The following CPVL variants were observed in gnomAD, a reference collection of about 807,000 sequenced individuals.
CPVL encodes the protein carboxypeptidase vitellogenic like, also known as probable serine carboxypeptidase CPVL.
In CPVL, 51 loss-of-function variants were observed where a neutral mutation model predicts 63.7. The observed-to-expected ratio is 0.80, with a 90% confidence interval of 0.64 to 1.01. The LOEUF is 1.01. CPVL is among the 50% of genes least tolerant of loss of function. The pLI is 0.00. For synonymous variants in CPVL, 195 were observed against 206.0 expected, an observed-to-expected ratio of 0.95 and a Z score of 0.46; for missense variants, 530 against 573.1, an observed-to-expected ratio of 0.92 and a Z score of 0.77.
intron 2 of CPVL, among the ~76,000 whole-genome samples, chr7:29,116,155 G>C (rs554609105): frequency 6.6e-6 from 1 of 152,254 alleles, no homozygotes; most frequent in African/African-American, 2.4e-5. Context: ...ACTAAAACAA[G>C]CCCTACTGAC....
intron 12 of CPVL, among the ~76,000 whole-genome samples, chr7:29,004,542 A>T (rs924913326): frequency 1.3e-5 from 2 of 152,260 alleles, no homozygotes; most frequent in Admixed American, 6.5e-5. Flanking sequence ...ATGAAAATCT[A>T]AAAGCAGAGT....
intron 9 of CPVL, among the ~76,000 whole-genome samples, chr7:29,068,693 T>A: frequency 6.7e-6 from 1 of 150,222 alleles, no homozygotes; most frequent in East Asian, 2.0e-4. Context: ...TTTTTTTTTT[T>A]CTTTGTTTTT....
At chr7:29,081,276 T>A (rs758574955) in intron 7 of CPVL, 2 of 152,246 alleles carry the variant, frequency 1.3e-5, no homozygotes, top group Non-Finnish European at 2.9e-5. Flanking sequence ...TTATTTCTCT[T>A]TTTGAAGTAT....
At chr7:29,070,101 T>C (rs1783591900) in intron 9 of CPVL, among the ~76,000 whole-genome samples, 1 of 152,170 alleles carries the variant, frequency 6.6e-6, no homozygotes, top group African/African-American at 2.4e-5. Context: ...AAGGTCTTGT[T>C]TTAATTCATC....
intron 6 of CPVL, among the ~76,000 whole-genome samples, chr7:29,088,569 G>T (rs1335694205): frequency 2.6e-5 from 4 of 152,138 alleles, no homozygotes; most frequent in African/African-American, 9.7e-5. Context: ...TATGCCATTT[G>T]CTCATTTAAC....
intron 11 of CPVL, among the ~76,000 whole-genome samples, chr7:29,062,334 C>T (rs1298323418): frequency 1.3e-5 from 2 of 152,092 alleles, no homozygotes; most frequent in African/African-American, 4.8e-5. Context: ...AACAGCAGTG[C>T]CTTCTGGAGG....
intron 1 of CPVL, chr7:29,192,742 G>A (rs1296420965): frequency 6.6e-6 from 1 of 152,186 alleles, no homozygotes; most frequent in Non-Finnish European, 1.5e-5. Flanking sequence ...CTGAGGCTCA[G>A]TAGGTCTAAG....
At chr7:29,092,128 G>A (rs1785875611) in intron 6 of CPVL, among the ~76,000 whole-genome samples, 1 of 150,358 alleles carries the variant, frequency 6.7e-6, no homozygotes, top group African/African-American at 2.4e-5. Flanking sequence ...AGTGAAAAAA[G>A]GGAGAAATTA....
At chr7:28,997,527 G>A (rs907395416) in intron 12 of CPVL, among the ~76,000 whole-genome samples, 9 of 152,144 alleles carry the variant, frequency 5.9e-5, no homozygotes, top group Non-Finnish European at 1.2e-4. Context: ...CTTGCAGCTC[G>A]CAGCTATACA....
At chr7:29,106,667 TGA>T (rs1787749095) in intron 3 of CPVL, among the ~76,000 whole-genome samples, 1 of 151,768 alleles carries the variant, frequency 6.6e-6, no homozygotes, top group African/African-American at 2.4e-5. Context: ...GAATTGGAGC[TGA>T]GAGGCAAAAA....
intron 9 of CPVL, among the ~76,000 whole-genome samples, chr7:29,070,886 A>G (rs1401929628): frequency 6.6e-6 from 1 of 152,232 alleles, no homozygotes; most frequent in African/African-American, 2.4e-5. Context: ...CTGATCTGCA[A>G]TGCCCTTAAG....
At chr7:29,072,061 A>C (rs1026733386) in intron 8 of CPVL, among the ~76,000 whole-genome samples, 157 bp from the exon 9 acceptor site, 1 of 152,166 alleles carries the variant, frequency 6.6e-6, no homozygotes, top group Non-Finnish European at 1.5e-5. Flanking sequence ...ACACCCCACA[A>C]CACACACAAC....
chr7:29,126,435 C>A (rs186825242), intron 1 of CPVL: 57 of 152,272 alleles, frequency 3.7e-4, no homozygotes, highest in African/African-American at 1.3e-3. Flanking sequence ...TTCCAATCGA[C>A]CTGACCATCA....
intron 12 of CPVL, among the ~76,000 whole-genome samples, chr7:29,015,514 C>T (rs919024004): frequency 3.3e-5 from 5 of 152,178 alleles, no homozygotes; most frequent in African/African-American, 1.2e-4. Flanking sequence ...TGGCATCTCC[C>T]CGGCTAGCTC....
intron 3 of CPVL, among the ~76,000 whole-genome samples, chr7:29,106,351 A>C (rs1300205660): frequency 6.6e-6 from 1 of 151,876 alleles, no homozygotes; most frequent in African/African-American, 2.4e-5. Context: ...TCATACTGGG[A>C]GGGCCACAGC....
At chr7:29,170,762 TTA>T (rs1796494369) in intron 5 of CPVL, among the ~76,000 whole-genome samples, 1 of 152,210 alleles carries the variant, frequency 6.6e-6, no homozygotes, top group African/African-American at 2.4e-5. Context: ...TTAATTGGAC[TTA>T]TAGTTCCATA....
At chr7:29,027,971 G>C (rs1187609639) in intron 12 of CPVL, among the ~76,000 whole-genome samples, 1 of 151,764 alleles carries the variant, frequency 6.6e-6, no homozygotes, top group Non-Finnish European at 1.5e-5. Flanking sequence ...GAAATAAAAA[G>C]ACCCCAAATA....
intron 11 of CPVL, among the ~76,000 whole-genome samples, chr7:29,055,628 C>T (rs982639946): frequency 6.6e-5 from 10 of 152,192 alleles, no homozygotes; most frequent in Admixed American, 1.3e-4. Flanking sequence ...GGGCCCTCCA[C>T]ATGTCCCAGC....
intron 1 of CPVL, among the ~76,000 whole-genome samples, chr7:29,136,284 T>G (rs1476025106): frequency 6.6e-6 from 1 of 152,110 alleles, no homozygotes; most frequent in Non-Finnish European, 1.5e-5. Context: ...AATAGAACAA[T>G]CCAAAGAGGA....
Sources: allele counts gnomAD v4.1 joint callset (sites outside exome capture counted in the v4.1 genomes callset), GRCh38; gene constraint gnomAD v4.1.1; transcripts MANE v1.5; gene names NCBI Gene and HGNC (gene_info 2026-07-23, HGNC 2026-07-21).